Variants in MED16 observed in about 807,000 individuals in gnomAD.
MED16 encodes mediator of RNA polymerase II transcription subunit 16.
A neutral mutation model predicts 84.4 loss-of-function variants in MED16; 81 were observed. That is an observed-to-expected ratio of 0.96 (90% confidence interval 0.80 to 1.15). The LOEUF is 1.15. Among genes scored for constraint, MED16 ranks in the 50% most tolerant of loss-of-function variants. MED16 has a pLI of 0.00. For missense variants in MED16, 1,585 were observed against 1,245.9 expected, an observed-to-expected ratio of 1.27 and a Z score of -4.10; for synonymous variants, 897 against 552.2, an observed-to-expected ratio of 1.62 and a Z score of -8.76.
At chr19:872,643 G>C (rs1381008833) in intron 11 of MED16, among the ~76,000 whole-genome samples, 2 of 148,510 alleles carry the variant, frequency 1.3e-5, no homozygotes, top group Non-Finnish European at 3.0e-5. Context: ...GCAGGACAGA[G>C]TGTACCGGCG....
At position 889,777 on chromosome 19, in the gene MED16, C is replaced by T; in HGVS notation, c.308G>A (p.Gly103Glu). 6.2e-7 allele frequency: 1 copy of T among 1,612,876 alleles called. No individual in the cohort carries two copies. The highest frequency in any genetic ancestry group is 1.1e-5 in the South Asian group (1 of 90,928). Reference protein sequence around the residue: ...GSRLLSADADGQIKCWSMADH... With the variant: ...GSRLLSADADEQIKCWSMADH... Reference sequence around the variant, plus strand: ...CGCCATGCTCCAGCACTTGATCTGCCCGTCGGCATCTGCTGACAGGAGCCG... The same window carrying T: ...CGCCATGCTCCAGCACTTGATCTGCTCGTCGGCATCTGCTGACAGGAGCCG... Residue 103 changes from glycine to glutamate, a missense_variant, in exon 4 of 16, where the codon GGG becomes GAG. Physicochemically the swap from Gly to Glu is moderately conservative, Grantham distance 98. Coordinates refer to ENST00000325464, the MANE Select transcript of MED16 (RefSeq NM_005481.3).
chr19:882,559 CGT>C (rs1489755501), intron 6 of MED16, among the ~76,000 whole-genome samples: 1 of 152,124 alleles, frequency 6.6e-6, no homozygotes, highest in Non-Finnish European at 1.5e-5. Flanking sequence ...CCAGAGAGCA[CGT>C]GTGGGGGGTC....
chr19:887,186 T>TAA (rs145239515), intron 4 of MED16, among the ~76,000 whole-genome samples: 8 of 150,180 alleles, frequency 5.3e-5, no homozygotes, highest in African/African-American at 2.0e-4. Context: ...AGTTACAAGT[T>TAA]AAAAAAAAAC....
At chr19:888,493 C>T (rs534249958) in intron 4 of MED16, among the ~76,000 whole-genome samples, 5 of 147,766 alleles carry the variant, frequency 3.4e-5, no homozygotes, top group African/African-American at 7.6e-5. Context: ...CACTGCACTC[C>T]AGCCTGGGGG....
chr19:871,478 A>T, intron 12 of MED16: 9 of 1,356,778 alleles, frequency 6.6e-6, no homozygotes, highest in African/African-American at 1.4e-5. Flanking sequence ...CTGTCATGAG[A>T]CTCCCTCATT....
intron 10 of MED16, 99 bp downstream of exon 10, chr19:875,145 C>G (rs1377088536): frequency 2.5e-6 from 2 of 813,192 alleles, no homozygotes; most frequent in African/African-American, 1.8e-5. Context: ...GCCTGGGCAA[C>G]AGAGTAAGAC....
At chr19:878,241 GC>G (rs2036311066) in intron 8 of MED16, among the ~76,000 whole-genome samples, 1 of 48,486 alleles carries the variant, frequency 2.1e-5, no homozygotes, top group Non-Finnish European at 3.9e-5. Context: ...ACCAGCCCCA[GC>G]CCCAGCCCCA....
chr19:880,165 C>G lies in MED16; in HGVS notation c.1142-17G>C. ...GGGCCAGCCCTGTGGGGCACAGGCA[C>G]TGCTTAGACATGGGCAGGGCCCAGG... On this transcript the variant is annotated splice_polypyrimidine_tract_variant and intron_variant, in intron 7 of 15. Coordinates refer to ENST00000325464, the MANE Select transcript of MED16 (RefSeq NM_005481.3). 6.2e-7 allele frequency: 1 copy of G among 1,601,030 alleles called. No homozygotes were observed. The highest frequency in any genetic ancestry group is 8.5e-7 in the Non-Finnish European group (1 of 1,176,496).
chr19:871,592 C>G (rs777423516), intron 12 of MED16: 20 of 1,595,934 alleles, frequency 1.3e-5, no homozygotes, highest in Admixed American at 1.7e-5. Context: ...CAAGGAGAGA[C>G]AGCAAACAGG....
chr19:868,284 G>C, intron 15 of MED16, 33 bp from the exon 16 acceptor site: 4 of 1,589,312 alleles, frequency 2.5e-6, no homozygotes, highest in Admixed American at 1.8e-5. Flanking sequence ...CCGCGCCGAG[G>C]AGAGTCCAGG....
At chr19:873,306 TAGGGGCGGGACTCCAAGTA>T in intron 11 of MED16, 124 bp downstream of exon 11, 1 of 284,890 alleles carries the variant, frequency 3.5e-6, no homozygotes, top group South Asian at 4.0e-5. Context: ...GGACTCCAAG[TAGGGGCGGGACTCCAAGTA>T]GGGGCGGGAC....
At chr19:873,896 C>A (rs2145203696) in intron 10 of MED16, among the ~76,000 whole-genome samples, 1 of 152,250 alleles carries the variant, frequency 6.6e-6, no homozygotes, top group South Asian at 2.1e-4. Flanking sequence ...ACATCTGCCC[C>A]CTGCTCCGAG....
At chr19:883,696 G>C (rs1332488986) in intron 6 of MED16, among the ~76,000 whole-genome samples, 1 of 152,172 alleles carries the variant, frequency 6.6e-6, no homozygotes, top group African/African-American at 2.4e-5. Context: ...TGGCTTGGCT[G>C]TGGGCAGATG....
chr19:874,296 TAG>T (rs2036176265), intron 10 of MED16, among the ~76,000 whole-genome samples: 1 of 152,108 alleles, frequency 6.6e-6, no homozygotes, highest in African/African-American at 2.4e-5. Flanking sequence ...GTATTTTTAG[TAG>T]AGACGGGGTT....
intron 7 of MED16, among the ~76,000 whole-genome samples, chr19:881,014 C>G (rs2036410018): frequency 6.6e-6 from 1 of 152,164 alleles, no homozygotes; most frequent in Non-Finnish European, 1.5e-5. Flanking sequence ...CTCAACCTCT[C>G]TGCAGGCTCT....
chr19:871,006 T>C, intron 13 of MED16, 31 bp downstream of exon 13: 1 of 1,519,534 alleles, frequency 6.6e-7, no homozygotes. Flanking sequence ...AGGAGTCCTG[T>C]GTTTGGGGAC....
chr19:873,347 G>T (rs2036143252), intron 11 of MED16, 102 bp downstream of exon 11: 1 of 976,572 alleles, frequency 1.0e-6, no homozygotes. Context: ...CCAACTAGGG[G>T]CGGGGCTGAG....
At chr19:869,320 T>C (rs1246148934) in intron 13 of MED16, among the ~76,000 whole-genome samples, 2 of 149,530 alleles carry the variant, frequency 1.3e-5, no homozygotes, top group African/African-American at 2.5e-5. Context: ...AGCAGGTACA[T>C]GGGGACTTCC....
chr19:889,275 G>C (rs113805600), intron 4 of MED16, among the ~76,000 whole-genome samples: 2,758 of 152,200 alleles, frequency 0.018, 71 homozygotes, highest in African/African-American at 0.062. Flanking sequence ...CTAAATCAGA[G>C]GGTGGGCTGC....
Sources: allele counts gnomAD v4.1 joint callset (sites outside exome capture counted in the v4.1 genomes callset), GRCh38; gene constraint gnomAD v4.1.1; transcripts MANE v1.5; gene names NCBI Gene and HGNC (gene_info 2026-07-23, HGNC 2026-07-21).